Variants in PDE4D observed in about 807,000 individuals in gnomAD.
PDE4D encodes the protein 3',5'-cyclic-AMP phosphodiesterase 4D.
PDE4D carries 24 observed loss-of-function variants against 87.4 expected under a neutral mutation model. The ratio of observed to expected loss-of-function variants is 0.27; its 90% CI spans 0.20 to 0.39. The LOEUF (loss-of-function observed/expected upper bound fraction) is 0.39, where lower values mean the gene tolerates loss of function less well. Among genes scored for constraint, PDE4D ranks in the 10% least tolerant of loss-of-function variants. The probability of loss-of-function intolerance (pLI) is 1.00; values close to 1 mark genes in which losing one functional copy is unlikely to be tolerated. For synonymous variants in PDE4D, 384 were observed against 383.2 expected, an observed-to-expected ratio of 1.00 and a Z score of -0.02; for missense variants, 714 against 1,041.0, an observed-to-expected ratio of 0.69 and a Z score of 4.32.
At chr5:59,616,341 C>T (rs1445487668) in intron 1 of PDE4D, among the ~76,000 whole-genome samples, 1 of 152,124 alleles carries the variant, frequency 6.6e-6, no homozygotes, top group Non-Finnish European at 1.5e-5. Context: ...ACTTTATGTA[C>T]ATGAGTGGTT....
intron 2 of PDE4D, among the ~76,000 whole-genome samples, chr5:60,027,200 T>C (rs1003773551): frequency 6.6e-6 from 1 of 152,166 alleles, no homozygotes; most frequent in East Asian, 1.9e-4. Flanking sequence ...ACCCAATAGA[T>C]AGTTTCTTAA....
intron 3 of PDE4D, among the ~76,000 whole-genome samples, chr5:59,910,982 T>G (rs1385494314): frequency 6.6e-6 from 1 of 152,232 alleles, no homozygotes; most frequent in African/African-American, 2.4e-5. Flanking sequence ...GAAAGAGATA[T>G]GACCTAACAG....
intron 1 of PDE4D, among the ~76,000 whole-genome samples, chr5:60,317,569 A>C (rs1257608417): frequency 6.6e-6 from 1 of 151,930 alleles, no homozygotes; most frequent in Non-Finnish European, 1.5e-5. Flanking sequence ...AGTTCTTTTA[A>C]TTGTGATGTT....
chr5:60,100,731 T>A (rs1286468647), intron 2 of PDE4D, among the ~76,000 whole-genome samples: 4 of 152,080 alleles, frequency 2.6e-5, no homozygotes, highest in Non-Finnish European at 1.5e-5. Flanking sequence ...GAAGGTTATA[T>A]GAGTTTATGC....
rs70975359 is a variant in PDE4D, at chr5:60,016,025, C to CTGTG, written c.43-27312_43-27309dup. ...AATAATCTCTGTTCTCTCTCTCTCT[C>CTGTG]TGTGTGTGTGTGTGTGTGTGTGTGT... On this transcript the variant is annotated intron_variant, in intron 2 of 16. Transcript: ENST00000502484. 2.7e-3 allele frequency among the ~76,000 whole-genome samples: 397 copies of CTGTG among 146,796 alleles called. 2 individuals carry two copies. The highest frequency in any genetic ancestry group is 7.0e-3 in the Middle Eastern group (2 of 286).
intron 1 of PDE4D, among the ~76,000 whole-genome samples, chr5:60,511,511 A>G (rs184743038): frequency 6.2e-4 from 87 of 139,724 alleles, no homozygotes; most frequent in African/African-American, 2.7e-3. Flanking sequence ...AACATACTAT[A>G]GAAATTTAAT....
intron 1 of PDE4D, among the ~76,000 whole-genome samples, chr5:60,317,775 A>G (rs1394346983): frequency 6.6e-6 from 1 of 152,218 alleles, no homozygotes; most frequent in East Asian, 1.9e-4. Context: ...CAGGTTGCTC[A>G]GTTTCCATGT....
chr5:59,199,706 T>C (rs1027498699), intron 2 of PDE4D, among the ~76,000 whole-genome samples: 1 of 152,070 alleles, frequency 6.6e-6, no homozygotes, highest in East Asian at 1.9e-4. Context: ...CCTAGACTAT[T>C]TGACAACACC....
intron 3 of PDE4D, among the ~76,000 whole-genome samples, chr5:59,982,280 C>T (rs1762002109): frequency 6.6e-6 from 1 of 152,144 alleles, no homozygotes; most frequent in Non-Finnish European, 1.5e-5. Flanking sequence ...CCTGAATATA[C>T]ATCTATCCAG....
intron 1 of PDE4D, among the ~76,000 whole-genome samples, chr5:59,387,647 A>C (rs1459956627): frequency 6.6e-6 from 1 of 152,140 alleles, no homozygotes; most frequent in African/African-American, 2.4e-5. Context: ...TAATTCTAAA[A>C]GGTATATATA....
At chr5:59,366,485 A>G (rs944199575) in intron 1 of PDE4D, among the ~76,000 whole-genome samples, 1 of 152,160 alleles carries the variant, frequency 6.6e-6, no homozygotes, top group Non-Finnish European at 1.5e-5. Context: ...ATTCCAGGTT[A>G]GTCCTAGGTA....
intron 5 of PDE4D, among the ~76,000 whole-genome samples, chr5:59,079,848 G>GGGAGAGGAGA (rs36226812): frequency 2.4e-4 from 24 of 97,976 alleles, no homozygotes; most frequent in East Asian, 8.4e-4. Context: ...GGGAGAGGAG[G>GGGAGAGGAGA]GGAGAGGAGA....
chr5:59,840,340 G>A lies in PDE4D; in HGVS notation c.455+52828C>T, dbSNP rs1362558449. 2.6e-5 allele frequency among the ~76,000 whole-genome samples: 4 copies of A among 151,696 alleles called. No homozygotes were observed. In the East Asian group the frequency reaches 7.8e-4, roughly 30 times the overall value. Reference sequence around the variant, plus strand: ...ATCACTCTCTGAAATGATCCTCTGTGTGTGTGTGTGTGTGTAACGCTTATC... The same window carrying A: ...ATCACTCTCTGAAATGATCCTCTGTATGTGTGTGTGTGTGTAACGCTTATC... On this transcript the variant is annotated intron_variant, in intron 1 of 14. Transcript: ENST00000340635.
chr5:59,702,008 A>G (rs1272784224), intron 1 of PDE4D, among the ~76,000 whole-genome samples: 1 of 152,254 alleles, frequency 6.6e-6, no homozygotes, highest in East Asian at 1.9e-4. Flanking sequence ...AGCACTGGTC[A>G]ATAGAAATAT....
chr5:60,002,640 C>T (rs926258209), intron 2 of PDE4D, among the ~76,000 whole-genome samples: 1 of 152,038 alleles, frequency 6.6e-6, no homozygotes, highest in African/African-American at 2.4e-5. Context: ...ATGTAATATA[C>T]CGAATGAACA....
chr5:59,457,103 C>T (rs963634056), intron 1 of PDE4D, among the ~76,000 whole-genome samples: 12 of 152,180 alleles, frequency 7.9e-5, no homozygotes, highest in Non-Finnish European at 7.3e-5. Context: ...GTTCTACATT[C>T]GGTAAAATCC....
chr5:59,891,283 AT>A (rs1750918910), intron 1 of PDE4D, among the ~76,000 whole-genome samples: 1 of 152,240 alleles, frequency 6.6e-6, no homozygotes, highest in Non-Finnish European at 1.5e-5. Context: ...GGCATATTCT[AT>A]TTTATTAAAA....
chr5:60,228,393 G>A (rs1270087864), intron 1 of PDE4D, among the ~76,000 whole-genome samples: 2 of 152,034 alleles, frequency 1.3e-5, no homozygotes, highest in African/African-American at 2.4e-5. Context: ...ATCTATCCAC[G>A]ACACAACAGA....
chr5:59,694,455 T>TGAAACAACTATTAAATGATGC (rs942649148), intron 1 of PDE4D, among the ~76,000 whole-genome samples: 1 of 152,192 alleles, frequency 6.6e-6, no homozygotes, highest in African/African-American at 2.4e-5. Flanking sequence ...CATTCATACT[T>TGAAACAACTATTAAATGATGC]GAAACAACTA....
Sources: allele counts gnomAD v4.1 joint callset (sites outside exome capture counted in the v4.1 genomes callset), GRCh38; gene constraint gnomAD v4.1.1; transcripts MANE v1.5; gene names NCBI Gene and HGNC (gene_info 2026-07-23, HGNC 2026-07-21).